Variants in AGTPBP1 observed in about 807,000 individuals in gnomAD.
AGTPBP1 encodes ATP/GTP binding carboxypeptidase 1.
In AGTPBP1, 70 loss-of-function variants were observed where a neutral mutation model predicts 143.9. The ratio of observed to expected loss-of-function variants is 0.49; its 90% CI spans 0.40 to 0.59. The LOEUF (loss-of-function observed/expected upper bound fraction) is 0.59, where lower values mean the gene tolerates loss of function less well. Among genes scored for constraint, AGTPBP1 ranks in the 20% least tolerant of loss-of-function variants. AGTPBP1 has a pLI of 0.00. For synonymous variants in AGTPBP1, 463 were observed against 500.2 expected (o/e 0.93, Z 0.99); for missense variants, 1,229 against 1,464.5 (o/e 0.84, Z 2.62).
chr9:85,774,066 G>A, the AGTPBP1 span: 2 of 1,427,426 alleles, frequency 1.4e-6, no homozygotes, highest in Non-Finnish European at 9.9e-7. Context: ...GTTATGTAAA[G>A]TTGATGTGTA....
At chr9:85,585,401 C>A (rs1480494314) in intron 23 of AGTPBP1, 62 bp downstream of exon 23, 1 of 1,426,018 alleles carries the variant, frequency 7.0e-7, no homozygotes, top group South Asian at 1.7e-5. Flanking sequence ...CATATATGTT[C>A]TTTTCTGTAC....
chr9:85,657,602 C>T lies in AGTPBP1; in HGVS notation c.742G>A (p.Val248Met), dbSNP rs547520646. ...RRAVDRGYVQ[V>M]LLTIYVDWHR... ...CAATCTACATAAATTGTTAAAAGCA[C>T]TTGGACATATCCTCTGTCTACAGCT... Residue 248 changes from valine (V) to methionine (M), a missense_variant, in exon 10 of 26, where the codon GTG becomes ATG. Coordinates refer to ENST00000357081, the MANE Select transcript of AGTPBP1 (RefSeq NM_001330701.2). 6.8e-6 allele frequency: 11 copies of T among 1,613,978 alleles called. No individual in the cohort carries two copies. Among genetic ancestry groups the T allele is most frequent in the Middle Eastern group, 1.7e-4 (1 of 6,058 alleles).
At chr9:85,549,298 A>G (rs11141018) in intron 25 of AGTPBP1, among the ~76,000 whole-genome samples, 1 of 152,016 alleles carries the variant, frequency 6.6e-6, no homozygotes, top group Non-Finnish European at 1.5e-5. Flanking sequence ...GAGGCTGCTT[A>G]CAGATAGACA....
intron 3 of AGTPBP1, among the ~76,000 whole-genome samples, chr9:85,682,209 T>C (rs924790627): frequency 1.3e-5 from 2 of 150,884 alleles, no homozygotes; most frequent in Middle Eastern, 3.2e-3. Flanking sequence ...CATAGATTAT[T>C]TCTATTAGGT....
At chr9:85,771,849 G>A in the AGTPBP1 span, among the ~76,000 whole-genome samples, 2 of 151,726 alleles carry the variant, frequency 1.3e-5, no homozygotes, top group Admixed American at 1.3e-4. Context: ...TAGTAGAGAC[G>A]GGGTTTCACT....
chr9:85,561,011 A>G (rs1439533087), intron 25 of AGTPBP1, among the ~76,000 whole-genome samples: 1 of 152,178 alleles, frequency 6.6e-6, no homozygotes, highest in Non-Finnish European at 1.5e-5. Flanking sequence ...AAAGAAAATC[A>G]TATCTATGTA....
Position 85,613,722 on chromosome 9 carries a change from G to A in AGTPBP1, c.2335+5261C>T, listed in dbSNP as rs527383801. Among the ~76,000 whole-genome samples, 8 of 152,014 alleles carry A rather than the reference G, an allele frequency of 5.3e-5. No homozygotes were observed. The South Asian group carries it at 1.7e-3, about 32-fold the overall frequency. On this transcript the variant is annotated intron_variant, in intron 17 of 25. Transcript: ENST00000357081. ...TTATTTAAACTGCTCCAGAACATAG[G>A]GTGCAAAAATAAAAGCCTTTACATT... is the stretch of plus-strand genomic sequence containing the variant.
intron 3 of AGTPBP1, among the ~76,000 whole-genome samples, chr9:85,687,819 G>A (rs1389287045): frequency 2.6e-5 from 4 of 152,070 alleles, no homozygotes; most frequent in Admixed American, 2.6e-4. Context: ...GCCAGGCGCG[G>A]TGGCTCATGC....
intron 11 of AGTPBP1, among the ~76,000 whole-genome samples, chr9:85,647,741 G>C (rs1832906804): frequency 6.6e-6 from 1 of 152,196 alleles, no homozygotes; most frequent in Non-Finnish European, 1.5e-5. Flanking sequence ...AATGGTGGGT[G>C]AGTGTGGCTT....
intron 21 of AGTPBP1, 32 bp downstream of exon 21, chr9:85,588,266 T>C (rs1169443587): frequency 6.5e-7 from 1 of 1,546,796 alleles, no homozygotes; most frequent in South Asian, 1.2e-5. Context: ...ACAATGGTCT[T>C]GAATATATTC....
upstream of AGTPBP1, among the ~76,000 whole-genome samples, chr9:85,744,634 T>A (rs1027328618): frequency 2.0e-5 from 3 of 152,210 alleles, no homozygotes; most frequent in Non-Finnish European, 2.9e-5. Context: ...CAGGGGCTTT[T>A]ACATGCAAGC....
At chr9:85,696,053 G>A (rs1434720721) in intron 2 of AGTPBP1, among the ~76,000 whole-genome samples, 2 of 152,056 alleles carry the variant, frequency 1.3e-5, no homozygotes, top group African/African-American at 4.8e-5. Flanking sequence ...CGTTGGTCAG[G>A]CTGGTCTCGA....
chr9:85,702,939 A>G (rs1836764323), intron 2 of AGTPBP1, among the ~76,000 whole-genome samples: 1 of 152,128 alleles, frequency 6.6e-6, no homozygotes, highest in Non-Finnish European at 1.5e-5. Context: ...TCCCATCTCT[A>G]CACAACCCAG....
chr9:85,551,058 TC>T (rs1279403763), intron 25 of AGTPBP1, among the ~76,000 whole-genome samples: 41 of 151,354 alleles, frequency 2.7e-4, no homozygotes, highest in African/African-American at 9.8e-4. Flanking sequence ...GTGTGGCACT[TC>T]CCCCTCTCGC....
chr9:85,711,776 T>C (rs1294517249), intron 2 of AGTPBP1, among the ~76,000 whole-genome samples: 1 of 152,140 alleles, frequency 6.6e-6, no homozygotes. Flanking sequence ...AGTATATATT[T>C]TAGGCATTGT....
intron 11 of AGTPBP1, among the ~76,000 whole-genome samples, chr9:85,648,218 T>A (rs1477535637): frequency 6.6e-6 from 1 of 152,216 alleles, no homozygotes; most frequent in Non-Finnish European, 1.5e-5. Context: ...TTAGAGAAGT[T>A]AATATACGTA....
At chr9:85,778,006 TCTC>T in the AGTPBP1 span, among the ~76,000 whole-genome samples, 1 of 152,254 alleles carries the variant, frequency 6.6e-6, no homozygotes, top group African/African-American at 2.4e-5. Context: ...GCCCTAGTCT[TCTC>T]TTCCCCTGTC....
At chr9:85,653,962 A>T (rs538254176) in intron 11 of AGTPBP1, among the ~76,000 whole-genome samples, 1 of 152,330 alleles carries the variant, frequency 6.6e-6, no homozygotes, top group East Asian at 1.9e-4. Context: ...AACATTTTAA[A>T]GGAGGTTTCT....
the AGTPBP1 span, among the ~76,000 whole-genome samples, chr9:85,775,494 G>T: frequency 6.8e-6 from 1 of 147,354 alleles, no homozygotes; most frequent in Non-Finnish European, 1.5e-5. Flanking sequence ...TCTCTAAAGG[G>T]ACAGAATAGC....
Sources: gnomAD v4.1 joint callset for allele counts (sites outside exome capture counted in the v4.1 genomes callset) on GRCh38, gnomAD v4.1.1 for gene constraint, MANE v1.5 for transcripts, NCBI Gene and HGNC (gene_info 2026-07-23, HGNC 2026-07-21) for gene names.